MKLN1: variants seen among roughly 807,000 people sequenced by gnomAD.
The protein encoded by MKLN1 is muskelin 1.
Under a neutral mutation model 99.0 loss-of-function variants are expected in MKLN1, and 18 were observed. The ratio of observed to expected loss-of-function variants is 0.18; its 90% CI spans 0.13 to 0.27. The LOEUF (loss-of-function observed/expected upper bound fraction) is 0.27, where lower values mean the gene tolerates loss of function less well. Ranked by LOEUF, MKLN1 falls within the 10% of genes least tolerant of loss-of-function variation. MKLN1 has a pLI of 1.00. For missense variants in MKLN1, 621 were observed against 875.9 expected (o/e 0.71, Z 3.67); for synonymous variants, 288 against 293.2 (o/e 0.98, Z 0.18).
rs1404963614 is a variant in MKLN1, at chr7:131,414,121, G to C, written c.782-524G>C. 2.6e-5 allele frequency among the ~76,000 whole-genome samples: 4 copies of C among 152,016 alleles called. No homozygotes were observed. The East Asian group carries it at 7.7e-4, about 29-fold the overall frequency. ...AAGTTATATAAAATAATTACACAAA[G>C]TACAAAATTATACAAAAATTTTACA... On this transcript the variant is annotated intron_variant, in intron 7 of 17. Transcript: ENST00000352689.
intron 3 of MKLN1, among the ~76,000 whole-genome samples, chr7:131,235,581 T>G (rs1797308991): frequency 6.6e-6 from 1 of 152,136 alleles, no homozygotes; most frequent in Non-Finnish European, 1.5e-5. Context: ...ATCCTGGTAC[T>G]TCTACATTCC....
At chr7:131,418,974 A>G (rs1318803075) in intron 8 of MKLN1, among the ~76,000 whole-genome samples, 2 of 152,158 alleles carry the variant, frequency 1.3e-5, no homozygotes, top group Non-Finnish European at 2.9e-5. Flanking sequence ...GACTCTGATC[A>G]AGAGAAAACA....
At chr7:131,209,173 G>T (rs1309165900) in intron 3 of MKLN1, among the ~76,000 whole-genome samples, 1 of 152,206 alleles carries the variant, frequency 6.6e-6, no homozygotes, top group East Asian at 1.9e-4. Flanking sequence ...AAATGCAAAA[G>T]TGGTACAAGA....
chr7:131,151,894 TA>T (rs1442392571), intron 2 of MKLN1, among the ~76,000 whole-genome samples: 2 of 152,106 alleles, frequency 1.3e-5, no homozygotes, highest in Non-Finnish European at 2.9e-5. Flanking sequence ...AAGTGAAACA[TA>T]AGGAAAAGTA....
chr7:131,447,178 A>G (rs569525170), intron 12 of MKLN1, among the ~76,000 whole-genome samples: 2 of 152,370 alleles, frequency 1.3e-5, no homozygotes, highest in African/African-American at 4.8e-5. Flanking sequence ...GTGTAAGTGT[A>G]GTAAACATCT....
At chr7:131,320,717 T>G (rs929622220) in intron 3 of MKLN1, among the ~76,000 whole-genome samples, 1 of 151,922 alleles carries the variant, frequency 6.6e-6, no homozygotes, top group Admixed American at 6.6e-5. Flanking sequence ...TACAAGGAAC[T>G]TAAACAAATT....
chr7:131,133,071 T>C (rs905712618), intron 1 of MKLN1, among the ~76,000 whole-genome samples: 3 of 151,534 alleles, frequency 2.0e-5, no homozygotes, highest in Middle Eastern at 3.2e-3. Context: ...TCAACAAATA[T>C]ATATTGAATG....
At chr7:131,132,725 C>G (rs982449603) in intron 1 of MKLN1, among the ~76,000 whole-genome samples, 2 of 151,702 alleles carry the variant, frequency 1.3e-5, no homozygotes, top group African/African-American at 4.8e-5. Context: ...AGATCAAGAC[C>G]GGCCTGGCCT....
intron 3 of MKLN1, among the ~76,000 whole-genome samples, chr7:131,260,232 A>G (rs1797713087): frequency 6.6e-6 from 1 of 152,090 alleles, no homozygotes; most frequent in Non-Finnish European, 1.5e-5. Context: ...TTTAGTAGAG[A>G]TGGGGTTTCA....
chr7:131,449,392 T>A (rs1456996295), intron 12 of MKLN1, among the ~76,000 whole-genome samples: 1 of 152,208 alleles, frequency 6.6e-6, no homozygotes. Flanking sequence ...AATATCAGTG[T>A]CTTGATCTAA....
intron 3 of MKLN1, among the ~76,000 whole-genome samples, chr7:131,301,908 C>T (rs1303044007): frequency 6.6e-6 from 1 of 152,186 alleles, no homozygotes; most frequent in Non-Finnish European, 1.5e-5. Flanking sequence ...TGCCAGGTAA[C>T]ATGTGCAATA....
At chr7:131,213,493 C>G (rs1217911392) in intron 3 of MKLN1, among the ~76,000 whole-genome samples, 1 of 152,170 alleles carries the variant, frequency 6.6e-6, no homozygotes, top group Admixed American at 6.5e-5. Context: ...GTCTGTCAAC[C>G]TTGTATTATT....
At chr7:131,454,889 G>A (rs1374268146) in intron 12 of MKLN1, among the ~76,000 whole-genome samples, 1 of 152,148 alleles carries the variant, frequency 6.6e-6, no homozygotes, top group African/African-American at 2.4e-5. Flanking sequence ...TGAGAAGGCG[G>A]CCAAGAAAAT....
chr7:131,198,229 C>G (rs1374999495), intron 2 of MKLN1, among the ~76,000 whole-genome samples: 1 of 152,216 alleles, frequency 6.6e-6, no homozygotes, highest in Non-Finnish European at 1.5e-5. Flanking sequence ...GTTGCTCTGA[C>G]ACCTGTACCA....
intron 3 of MKLN1, among the ~76,000 whole-genome samples, chr7:131,309,304 A>G (rs192541886): frequency 5.0e-4 from 76 of 152,342 alleles, no homozygotes; most frequent in Middle Eastern, 6.8e-3. Context: ...CAAAATTAAT[A>G]TAAGTAGAGA....
intron 17 of MKLN1, among the ~76,000 whole-genome samples, chr7:131,483,527 T>C (rs1436597868): frequency 1.3e-5 from 2 of 152,228 alleles, no homozygotes; most frequent in Non-Finnish European, 2.9e-5. Context: ...TTAATATATA[T>C]TGTTGATTCA....
At chr7:131,244,269 A>G (rs1797451967) in intron 3 of MKLN1, among the ~76,000 whole-genome samples, 2 of 152,108 alleles carry the variant, frequency 1.3e-5, no homozygotes, top group Non-Finnish European at 2.9e-5. Flanking sequence ...CAGATTCACA[A>G]CTCAGCTTCT....
intron 6 of MKLN1, among the ~76,000 whole-genome samples, chr7:131,405,718 G>A (rs1794682993): frequency 6.6e-6 from 1 of 151,986 alleles, no homozygotes; most frequent in African/African-American, 2.4e-5. Context: ...TTACAAATTT[G>A]TGGCGATTTA....
At chr7:131,225,337 A>G (rs1797131080) in intron 3 of MKLN1, among the ~76,000 whole-genome samples, 1 of 152,184 alleles carries the variant, frequency 6.6e-6, no homozygotes, top group Admixed American at 6.5e-5. Context: ...TTATAAGGGT[A>G]CTAATCAGAG....
Sources: allele counts gnomAD v4.1 joint callset (sites outside exome capture counted in the v4.1 genomes callset), GRCh38; gene constraint gnomAD v4.1.1; transcripts MANE v1.5; gene names NCBI Gene and HGNC (gene_info 2026-07-23, HGNC 2026-07-21).